SYNE2: variants seen among roughly 807,000 people sequenced by gnomAD.
The protein encoded by SYNE2 is spectrin repeat containing nuclear envelope protein 2, also known as nesprin-2.
Under a neutral mutation model 856.3 loss-of-function variants are expected in SYNE2, and 431 were observed. The ratio of observed to expected loss-of-function variants is 0.50; its 90% confidence interval spans 0.47 to 0.55. The LOEUF (loss-of-function observed/expected upper bound fraction) is 0.55, where lower values mean the gene tolerates loss of function less well. Ranked by LOEUF, SYNE2 falls within the 20% of genes least tolerant of loss-of-function variation. The probability of loss-of-function intolerance (pLI) is 0.00; values close to 1 mark genes in which losing one functional copy is unlikely to be tolerated. For missense variants in SYNE2, 8,129 were observed against 8,023.2 expected (o/e 1.01, Z -0.50); for synonymous variants, 2,923 against 2,872.3 (o/e 1.02, Z -0.56).
At chr14:63,878,907 CT>C (rs2094792316) in intron 1 of SYNE2, among the ~76,000 whole-genome samples, 1 of 152,224 alleles carries the variant, frequency 6.6e-6, no homozygotes. Context: ...TCTTAAATAT[CT>C]GTCTGAAGCC....
Position 63,991,063 on chromosome 14 carries a change from A to G in SYNE2, c.2594A>G (p.Gln865Arg). ...CTTGAATCATATATGATGAGGGCTC[A>G]GCAGTTACTGGGGCAAAGAGAGAGC... Reference protein sequence around the residue: ...KELESYMMRAQQLLGQRESPG... With the variant: ...KELESYMMRARQLLGQRESPG... Residue 865 changes from glutamine to arginine, a missense_variant, in exon 21 of 116, where the codon CAG becomes CGG. This residue lies in a region of SYNE2 where 2,422 missense variants were observed against 2,357.4 expected (regional missense o/e 1.03). Coordinates refer to ENST00000555002, the MANE Select transcript of SYNE2 (RefSeq NM_182914.3). The G allele has an allele frequency of 1.2e-6, 2 of 1,614,180 alleles. No individual in the cohort carries two copies. Among genetic ancestry groups the G allele is most frequent in the Non-Finnish European group, 1.7e-6 (2 of 1,180,002 alleles).
At chr14:63,894,751 A>G (rs1201635666) in intron 1 of SYNE2, among the ~76,000 whole-genome samples, 1 of 152,198 alleles carries the variant, frequency 6.6e-6, no homozygotes, top group Non-Finnish European at 1.5e-5. Flanking sequence ...ATGAATAATA[A>G]TTCATTATGG....
chr14:63,898,396 A>G (rs2095288044), intron 1 of SYNE2, among the ~76,000 whole-genome samples: 1 of 151,278 alleles, frequency 6.6e-6, no homozygotes, highest in Admixed American at 6.6e-5. Flanking sequence ...GTTTTACCTT[A>G]TTTTGTTGGT....
At chr14:64,177,986 G>T (rs1370375148) in intron 96 of SYNE2, among the ~76,000 whole-genome samples, 1 of 152,162 alleles carries the variant, frequency 6.6e-6, no homozygotes, top group Non-Finnish European at 1.5e-5. Context: ...GCCTTTGCTG[G>T]AGACAAGGCA....
chr14:64,101,665 A>G (rs1404425930), intron 63 of SYNE2, among the ~76,000 whole-genome samples: 3 of 152,184 alleles, frequency 2.0e-5, no homozygotes, highest in African/African-American at 7.2e-5. Flanking sequence ...TAAAAGCACC[A>G]TTTTAAAGAT....
intron 1 of SYNE2, chr14:63,762,245 C>A: frequency 4.8e-6 from 1 of 208,850 alleles, no homozygotes; most frequent in South Asian, 6.3e-5. Flanking sequence ...CCAGCCTTGA[C>A]CAACATGGAG....
intron 95 of SYNE2, among the ~76,000 whole-genome samples, chr14:64,175,551 T>C (rs973676415): frequency 4.6e-5 from 7 of 152,218 alleles, no homozygotes; most frequent in Non-Finnish European, 7.3e-5. Flanking sequence ...TTTGAGTCAC[T>C]GTTAGGAAAA....
rs1411969181 is a variant in SYNE2, at chr14:64,152,657, G to C, written c.15733G>C (p.Glu5245Gln). 1.2e-6 allele frequency: 2 copies of C among 1,614,012 alleles called. No individual in the cohort carries two copies. The highest frequency in any genetic ancestry group is 1.3e-5 in the African/African-American group (1 of 74,918). ...TLESGAVPLL[E>Q]DTASRIDELF... ...GGAGAGTGGGGCAGTGCCATTGTTA[G>C]AAGATACAGCATCCCGAATTGATGA... Residue 5245 changes from glutamate to glutamine, a missense_variant, in exon 85 of 116, where the codon GAA becomes CAA. Coordinates refer to ENST00000555002, the MANE Select transcript of SYNE2 (RefSeq NM_182914.3).
intron 101 of SYNE2, 157 bp from the exon 102 acceptor site, chr14:64,209,271 C>A: frequency 8.0e-7 from 1 of 1,254,550 alleles, no homozygotes; most frequent in East Asian, 2.5e-5. Flanking sequence ...CGCTCCCAGG[C>A]AGGAGGAGCA....
At chr14:64,165,212 TCC>T in intron 89 of SYNE2, 71 bp from the exon 90 acceptor site, 1 of 1,535,528 alleles carries the variant, frequency 6.5e-7, no homozygotes, top group Non-Finnish European at 9.0e-7. Flanking sequence ...TTTTAGCAGC[TCC>T]CAAGCCTGTG....
At chr14:64,037,610 C>G (rs2097102640) in intron 45 of SYNE2, among the ~76,000 whole-genome samples, 1 of 151,740 alleles carries the variant, frequency 6.6e-6, no homozygotes, top group Non-Finnish European at 1.5e-5. Flanking sequence ...ACAAAACCGC[C>G]ATTGTCATCA....
At chr14:63,913,524 G>A (rs1405460106) in intron 2 of SYNE2, among the ~76,000 whole-genome samples, 1 of 148,394 alleles carries the variant, frequency 6.7e-6, no homozygotes, top group Non-Finnish European at 1.5e-5. Flanking sequence ...GTGCAGTGGT[G>A]TGACCTCGGT....
At chr14:64,032,700 G>A (rs8010175) in intron 45 of SYNE2, among the ~76,000 whole-genome samples, 19,319 of 152,004 alleles carry the variant, frequency 0.13, 2,193 homozygotes, top group African/African-American at 0.31. Flanking sequence ...AGCCTCCTGA[G>A]TAGCTGGGAT....
intron 1 of SYNE2, among the ~76,000 whole-genome samples, chr14:63,863,871 C>T (rs1368290575): frequency 1.3e-5 from 2 of 152,028 alleles, no homozygotes; most frequent in African/African-American, 4.8e-5. Flanking sequence ...GTTGCCAGCG[C>T]TGGAGTGCAG....
chr14:64,154,550 T>G (rs540242749), intron 85 of SYNE2, among the ~76,000 whole-genome samples: 223 of 152,242 alleles, frequency 1.5e-3, no homozygotes, highest in Middle Eastern at 3.4e-3. Flanking sequence ...CCCAGCACTT[T>G]GGGAGGCCAA....
chr14:63,902,019 C>T (rs973762196), intron 1 of SYNE2, among the ~76,000 whole-genome samples: 1 of 152,182 alleles, frequency 6.6e-6, no homozygotes, highest in Non-Finnish European at 1.5e-5. Flanking sequence ...TAAAAACAAT[C>T]CCACATTATT....
intron 67 of SYNE2, among the ~76,000 whole-genome samples, chr14:64,120,088 G>A (rs752298614): frequency 2.0e-5 from 3 of 152,090 alleles, no homozygotes; most frequent in Non-Finnish European, 4.4e-5. Flanking sequence ...ATTTTTAAAA[G>A]CACTCTGTGT....
rs1437154694 is a variant in SYNE2, at chr14:63,942,031, C to T, written c.316-20C>T. On this transcript the variant is annotated intron_variant, in intron 5 of 115. Transcript: ENST00000555002. ...CTCTGGGATATTTCCTCCTTTTAAC[C>T]TGCACTTTTTGTTTTCCAGATTAAG... 6.3e-7 allele frequency: 1 copy of T among 1,599,562 alleles called. No homozygotes were observed.
intron 1 of SYNE2, among the ~76,000 whole-genome samples, chr14:63,836,980 T>G (rs1273173576): frequency 6.6e-6 from 1 of 152,200 alleles, no homozygotes; most frequent in Non-Finnish European, 1.5e-5. Flanking sequence ...AATAACTCAT[T>G]TTATCAATCC....
Sources: allele counts gnomAD v4.1 joint callset (sites outside exome capture counted in the v4.1 genomes callset), GRCh38; gene constraint gnomAD v4.1.1; regional missense constraint gnomAD v4.1.1; transcripts MANE v1.5; gene names NCBI Gene and HGNC (gene_info 2026-07-23, HGNC 2026-07-21).